Variants in MVP observed in about 807,000 individuals in gnomAD.
MVP encodes the protein lung resistance-related protein.
MVP carries 62 observed loss-of-function variants against 83.5 expected under a neutral mutation model. That is an observed-to-expected ratio of 0.74 (90% CI 0.61 to 0.92). MVP has a LOEUF of 0.92. Ranked by LOEUF, MVP falls within the 40% of genes least tolerant of loss-of-function variation. The probability of loss-of-function intolerance (pLI) is 0.00; values close to 1 mark genes in which losing one functional copy is unlikely to be tolerated. For missense variants in MVP, 1,000 were observed against 1,203.4 expected (o/e 0.83, Z 2.50); for synonymous variants, 505 against 504.1 (o/e 1.00, Z -0.02).
At chr16:29,844,371 G>T (rs1266355029) in intron 10 of MVP, 122 bp from the exon 11 acceptor site, 2 of 1,306,990 alleles carry the variant, frequency 1.5e-6, no homozygotes, top group Non-Finnish European at 1.0e-6. Context: ...GGCTGAGGTT[G>T]GGGGGTTGCC....
intron 7 of MVP, among the ~76,000 whole-genome samples, chr16:29,838,194 G>A (rs150861775): frequency 1.6e-3 from 246 of 152,210 alleles, no homozygotes; most frequent in African/African-American, 4.2e-3. Context: ...AGCACTTTAC[G>A]AGTCCAAAGC....
At position 29,838,223 on chromosome 16, in the gene MVP, C is replaced by G. The variant is rs540242758; in HGVS notation, c.909+1265C>G. ...CCAAAGCGGGTGGATCGCTTGAGGT[C>G]AGGAGTTAGAAACCATCCTGGCCAA... On this transcript the variant is annotated intron_variant, in intron 7 of 14. Coordinates refer to ENST00000357402, the MANE Select transcript of MVP (RefSeq NM_005115.5). Among the ~76,000 whole-genome samples, 36 of 152,002 alleles carry G rather than the reference C, an allele frequency of 2.4e-4. No individual in the cohort carries two copies. The South Asian group carries it at 7.3e-3, about 31-fold the overall frequency.
intron 14 of MVP, 24 bp downstream of exon 14, chr16:29,847,409 G>A: frequency 6.6e-7 from 1 of 1,522,078 alleles, no homozygotes. Flanking sequence ...AAGGTGTGTT[G>A]GTTTCAGGAC....
At chr16:29,822,863 G>A (rs1286351893) in intron 1 of MVP, among the ~76,000 whole-genome samples, 1 of 152,054 alleles carries the variant, frequency 6.6e-6, no homozygotes, top group South Asian at 2.1e-4. Flanking sequence ...GACTACAGTT[G>A]CCTGCCACCA....
chr16:29,841,455 G>C lies in MVP; in HGVS notation c.1192-141G>C. Reference sequence around the variant, plus strand: ...CAGGGCCAGCAGATGGCAAACCCGGGGTGGAGCCTGGCCTCCCCGTAGAGA... The same window carrying C: ...CAGGGCCAGCAGATGGCAAACCCGGCGTGGAGCCTGGCCTCCCCGTAGAGA... On this transcript the variant is annotated intron_variant, in intron 8 of 14. Transcript: ENST00000357402. This position sits in a 1 kb window ranked among gnomAD's most constrained non-coding sequence, Gnocchi z 4.7. 1 of 1,154,466 alleles carries C rather than the reference G, an allele frequency of 8.7e-7. No individual in the cohort carries two copies. Among genetic ancestry groups the C allele is most frequent in the Non-Finnish European group, 1.2e-6 (1 of 840,672 alleles). The allele number at this position is 1,154,466 out of a possible 1,614,324, so 71.5% of individuals were successfully genotyped here.
At chr16:29,828,571 G>A (rs1170417023) in intron 1 of MVP, among the ~76,000 whole-genome samples, 3 of 152,008 alleles carry the variant, frequency 2.0e-5, no homozygotes, top group African/African-American at 7.2e-5. Flanking sequence ...GTAGAGACGG[G>A]GTTTCGCCAT....
chr16:29,842,073 C>T lies in MVP; in HGVS notation c.1595C>T (p.Ala532Val), dbSNP rs1462008188. Residue 532 changes from alanine to valine, a missense_variant, in exon 10 of 15, where the codon GCG becomes GTG. Ala to Val is a moderately conservative substitution (Grantham distance 64, BLOSUM62 0). Transcript: ENST00000357402. ...FFTDVITIETADHARLQLQLA... is the reference protein window; with the variant it reads ...FFTDVITIETVDHARLQLQLA... ...ACAGACGTCATCACCATCGAAACGG[C>T]GGATCATGCCAGGCTGCAACTGCAG... is the stretch of plus-strand genomic sequence containing the variant. 8 of 1,607,252 alleles carry T rather than the reference C, an allele frequency of 5.0e-6. No individual in the cohort carries two copies. Among genetic ancestry groups the T allele is most frequent in the South Asian group, 2.2e-5 (2 of 90,940 alleles).
chr16:29,837,769 A>G (rs750025456), intron 7 of MVP, among the ~76,000 whole-genome samples: 5 of 152,048 alleles, frequency 3.3e-5, no homozygotes, highest in East Asian at 1.9e-4. Context: ...AAAAATCTCC[A>G]TTATAATCTT....
At position 29,833,799 on chromosome 16, in the gene MVP, G is replaced by C; in HGVS notation, c.388G>C (p.Glu130Gln). Residue 130 changes from glutamate to glutamine, a missense_variant, in exon 4 of 15, where the codon GAG becomes CAG. Transcript: ENST00000357402. ...ALHLKALLDFEDKDGDKVVAG... is the reference protein window; with the variant it reads ...ALHLKALLDFQDKDGDKVVAG... The stretch of plus-strand genomic sequence containing the variant: ...CCATCTAAAGGCGCTGCTTGATTTT[G>C]AGGATAAAGATGGAGACAAGGTGGT... 6.2e-7 allele frequency: 1 copy of C among 1,614,100 alleles called. No homozygotes were observed.
intron 1 of MVP, among the ~76,000 whole-genome samples, chr16:29,824,010 G>A (rs1034524877): frequency 1.3e-5 from 2 of 151,650 alleles, no homozygotes; most frequent in Non-Finnish European, 2.9e-5. Context: ...AGGCCGAGGT[G>A]GGTGGATCAC....
At position 29,844,669 on chromosome 16, in the gene MVP, T is replaced by C. The variant is rs746587184; in HGVS notation, c.1811T>C (p.Phe604Ser). The change falls in exon 11 of 15, where the codon TTT becomes TCT. Residue 604 changes from phenylalanine (F) to serine (S), a missense_variant. Phe to Ser is a radical substitution (Grantham distance 155). Transcript: ENST00000357402. ...GCCCGCATCATTCGCACTGCTGTCTTTGGCTTTGAGACCTCGGAAGCGAAG... is the reference window on the plus strand; with the variant it reads ...GCCCGCATCATTCGCACTGCTGTCTCTGGCTTTGAGACCTCGGAAGCGAAG... The part of the protein sequence containing the change: ...NSARIIRTAV[F>S]GFETSEAKGP... The C allele has an allele frequency of 6.2e-7, 1 of 1,614,140 alleles. No homozygotes were observed. The highest frequency in any genetic ancestry group is 8.5e-7 in the Non-Finnish European group (1 of 1,179,992).
chr16:29,831,970 C>T (rs139753914), intron 3 of MVP, among the ~76,000 whole-genome samples: 4 of 152,210 alleles, frequency 2.6e-5, no homozygotes, highest in East Asian at 3.9e-4. Flanking sequence ...TTAATAGAGA[C>T]GGGGTTTCAC....
chr16:29,841,685 G>A lies in MVP; in HGVS notation c.1281G>A (p.Leu427=). The A allele has an allele frequency of 6.2e-7, 1 of 1,612,080 alleles. No homozygotes were observed. The highest frequency in any genetic ancestry group is 8.5e-7 in the Non-Finnish European group (1 of 1,179,368). The change falls in exon 9 of 15, where the codon CTG becomes CTA. Residue 427 remains leucine (L), a synonymous_variant. Coordinates refer to ENST00000357402, the MANE Select transcript of MVP (RefSeq NM_005115.5). The surrounding 1 kb of genome is among the most constrained non-coding windows in gnomAD (Gnocchi z 4.7). ...KELPPGVEEL[L]NKGQDPLADR... ...TGCCTCCCGGGGTGGAGGAGCTGCT[G>A]AACAAGGGGCAGGACCCTCTGGCAG...
rs753611590 is a variant in MVP at position 29,844,643 on chromosome 16, A to G, written c.1785A>G (p.Ser595=). The change falls in exon 11 of 15, where the codon TCA becomes TCG. Residue 595 remains serine, a synonymous_variant. Coordinates refer to ENST00000357402, the MANE Select transcript of MVP (RefSeq NM_005115.5). ...SVTFDDFHKN[S]ARIIRTAVFG... is the part of the protein sequence containing the mutation. ...CTTTCGATGACTTCCATAAGAACTC[A>G]GCCCGCATCATTCGCACTGCTGTCT... is the stretch of plus-strand genomic sequence containing the variant. The G allele has an allele frequency of 6.2e-7, 1 of 1,614,194 alleles. No individual in the cohort carries two copies. The highest frequency in any genetic ancestry group is 2.2e-5 in the East Asian group (1 of 44,882).
intron 10 of MVP, among the ~76,000 whole-genome samples, chr16:29,843,550 G>GAGGAAGGAAGGGAGGA (rs1567395334): frequency 2.7e-5 from 1 of 37,696 alleles, no homozygotes; most frequent in Non-Finnish European, 5.4e-5. Flanking sequence ...GGGAGGAAGG[G>GAGGAAGGAAGGGAGGA]AGGGAGGGAG....
rs1464725654 is a variant in MVP, at chr16:29,831,058, G to A, written c.306G>A (p.Gly102=). 6.2e-7 allele frequency: 1 copy of A among 1,612,252 alleles called. No individual in the cohort carries two copies. Among genetic ancestry groups the A allele is most frequent in the Non-Finnish European group, 8.5e-7 (1 of 1,179,888 alleles). The change falls in exon 3 of 15, where the codon GGG becomes GGA. Residue 102 remains glycine, a synonymous_variant. Coordinates refer to ENST00000357402, the MANE Select transcript of MVP (RefSeq NM_005115.5). Reference sequence around the variant, plus strand: ...AGGACCCCTTCCCCCTGTACCCAGGGGAGGTGCTGGAAAAGGTACCTGGTT... The same window carrying A: ...AGGACCCCTTCCCCCTGTACCCAGGAGAGGTGCTGGAAAAGGTACCTGGTT... The part of the protein sequence containing the change: ...LAQDPFPLYP[G]EVLEKDITPL...
At chr16:29,830,768 C>T (rs1185162991) in intron 2 of MVP, 94 bp downstream of exon 2, 6 of 1,575,694 alleles carry the variant, frequency 3.8e-6, no homozygotes, top group East Asian at 2.3e-5. Context: ...TCTTCCCAAG[C>T]AGGAGTGGCC....
Position 29,847,881 on chromosome 16 carries a change from G to C in MVP, c.2574G>C (p.Leu858=). 1 of 1,614,070 alleles carries C rather than the reference G, an allele frequency of 6.2e-7. No individual in the cohort carries two copies. Among genetic ancestry groups the C allele is most frequent in the Admixed American group, 1.7e-5 (1 of 60,004 alleles). ...GGATGGGGCCCGAGGGTCAGCCCCTGGGCAGAAGGGTGGCCAGTGGGCCCA... is the reference window on the plus strand; with the variant it reads ...GGATGGGGCCCGAGGGTCAGCCCCTCGGCAGAAGGGTGGCCAGTGGGCCCA... ...LLGMGPEGQP[L]GRRVASGPSP... The change falls in exon 15 of 15, where the codon CTG becomes CTC. Residue 858 remains leucine (L), a synonymous_variant. Transcript: ENST00000357402.
intron 10 of MVP, among the ~76,000 whole-genome samples, chr16:29,843,584 GGGAGGA>G (rs2150760076): frequency 8.1e-6 from 1 of 122,842 alleles, no homozygotes; most frequent in Non-Finnish European, 1.7e-5. Context: ...GAGGGAGGAA[GGGAGGA>G]AGGGAGGGAG....
Sources: allele counts gnomAD v4.1 joint callset (sites outside exome capture counted in the v4.1 genomes callset), GRCh38; gene constraint gnomAD v4.1.1; non-coding constraint Gnocchi (gnomAD v3.1); transcripts MANE v1.5; gene names NCBI Gene and HGNC (gene_info 2026-07-23, HGNC 2026-07-21).